The following ZNF512 variants were observed in gnomAD, a reference collection of about 807,000 sequenced individuals.
ZNF512 encodes zinc finger protein 512.
ZNF512 carries 25 observed loss-of-function variants against 77.5 expected under a neutral mutation model. The observed-to-expected ratio is 0.32, with a 90% CI of 0.23 to 0.45. The LOEUF (loss-of-function observed/expected upper bound fraction) is 0.45, where lower values mean the gene tolerates loss of function less well. Ranked by LOEUF, ZNF512 falls within the 20% of genes least tolerant of loss-of-function variation. The pLI is 1.00. For synonymous variants in ZNF512, 246 were observed against 239.9 expected (o/e 1.03, Z -0.24); for missense variants, 483 against 692.6 (o/e 0.70, Z 3.40).
chr2:27,597,904 G>C (rs1030425049), intron 2 of ZNF512, among the ~76,000 whole-genome samples, 163 bp from the exon 3 acceptor site: 7 of 152,158 alleles, frequency 4.6e-5, no homozygotes, highest in African/African-American at 1.4e-4. Context: ...TGTTGTGTTA[G>C]ATCAACTATT....
chr2:27,599,804 G>A, intron 4 of ZNF512, 126 bp downstream of exon 4: 2 of 1,147,134 alleles, frequency 1.7e-6, no homozygotes, highest in Non-Finnish European at 2.5e-6. Flanking sequence ...TTGTTTGGGA[G>A]GGAATGGCCT....
intron 2 of ZNF512, among the ~76,000 whole-genome samples, chr2:27,586,102 GGT>G (rs1353665799): frequency 2.5e-4 from 38 of 152,170 alleles, no homozygotes; most frequent in African/African-American, 8.4e-4. Flanking sequence ...AGGGTATATG[GGT>G]ACTGTATTTC....
At chr2:27,585,313 CATG>C (rs1214814150) in intron 2 of ZNF512, among the ~76,000 whole-genome samples, 1 of 152,174 alleles carries the variant, frequency 6.6e-6, no homozygotes, top group Admixed American at 6.5e-5. Flanking sequence ...TAATTGGAAA[CATG>C]ATGTTTTCTT....
rs115514151 is a variant in ZNF512, at chr2:27,622,664, C to T, written c.*1203C>T. On this transcript the variant is annotated 3_prime_UTR_variant, in exon 14 of 14. Transcript: ENST00000355467. ...ACATTGGTTAGAGCAGCTTTGTTGT[C>T]GTGTTTCTGGATTCTCTTCCCCATT... 5 of 152,668 alleles carry T rather than the reference C, an allele frequency of 3.3e-5. No homozygotes were observed. Among genetic ancestry groups the T allele is most frequent in the Non-Finnish European group, 2.9e-5 (2 of 68,036 alleles). 9.5% of individuals were successfully genotyped at this position (152,668 alleles called of 1,614,324 possible).
Position 27,600,786 on chromosome 2 carries a change from T to C in ZNF512, c.553T>C (p.Leu185=). 6.2e-7 allele frequency: 1 copy of C among 1,613,240 alleles called. No homozygotes were observed. The highest frequency in any genetic ancestry group is 8.5e-7 in the Non-Finnish European group (1 of 1,179,732). The stretch of plus-strand genomic sequence containing the variant: ...AGTGGGGAGGAAGACCATAGAGGGT[T>C]TAAAGAAACACATGGAAAACTGCAA... ...QAVGRKTIEG[L]KKHMENCKQE... Residue 185 remains leucine (L), a synonymous_variant, in exon 6 of 14, where the codon TTA becomes CTA. Transcript: ENST00000355467.
intron 10 of ZNF512, among the ~76,000 whole-genome samples, chr2:27,614,155 C>T (rs921427933): frequency 6.6e-6 from 1 of 151,854 alleles, no homozygotes; most frequent in African/African-American, 2.4e-5. Context: ...GTTTTTTTGT[C>T]GCAGAGAATC....
intron 10 of ZNF512, among the ~76,000 whole-genome samples, chr2:27,612,720 T>TA (rs1212589751): frequency 6.6e-5 from 10 of 152,318 alleles, no homozygotes; most frequent in African/African-American, 2.4e-4. Flanking sequence ...TATTCCCTTG[T>TA]AAAAAACAAA....
rs1458004358 is a variant in ZNF512 at position 27,583,117 on chromosome 2, C to T, written c.5C>T (p.Ser2Phe). 3.1e-6 allele frequency: 5 copies of T among 1,614,042 alleles called. No homozygotes were observed. Among genetic ancestry groups the T allele is most frequent in the South Asian group, 1.1e-5 (1 of 91,064 alleles). ...GTTAGGCGTGGAGAGGGAGTGATGT[C>T]TTCCAGACTCGGTGCTGTACCCGCC... M[S>F]SRLGAVPATS... is the part of the protein sequence containing the mutation. The change falls in exon 1 of 14, where the codon TCT (serine) becomes TTT (phenylalanine). Residue 2 changes from serine to phenylalanine, a missense_variant. Coordinates refer to ENST00000355467, the MANE Select transcript of ZNF512 (RefSeq NM_032434.4).
At chr2:27,584,078 A>C (rs749356099) in intron 2 of ZNF512, among the ~76,000 whole-genome samples, 2 of 152,182 alleles carry the variant, frequency 1.3e-5, no homozygotes, top group African/African-American at 4.8e-5. Flanking sequence ...TTGAATTTTA[A>C]ATTTTATTTA....
rs770516708 is a variant in ZNF512, at chr2:27,598,082, C to T, written c.105C>T (p.Cys35=). 45 of 1,578,572 alleles carry T rather than the reference C, an allele frequency of 2.9e-5. No homozygotes were observed. Among genetic ancestry groups the T allele is most frequent in the Admixed American group, 5.1e-5 (3 of 59,364 alleles). ...IVGAKNSRTQ[C]SIKDNSFQYT... ...GTTGTATTAGTAGCAGGACCCAGTG[C>T]TCCATAAAGGATAATAGTTTCCAGT... Residue 35 remains cysteine, a synonymous_variant, in exon 3 of 14, where the codon TGC becomes TGT. Coordinates refer to ENST00000355467, the MANE Select transcript of ZNF512 (RefSeq NM_032434.4).
chr2:27,599,753 G>A, intron 4 of ZNF512, 75 bp downstream of exon 4: 1 of 1,426,722 alleles, frequency 7.0e-7, no homozygotes, highest in Non-Finnish European at 9.7e-7. Flanking sequence ...GGAAAGAGAA[G>A]CCTTAGTTTG....
intron 10 of ZNF512, among the ~76,000 whole-genome samples, chr2:27,610,568 A>ATATATATAT (rs1553353375): frequency 1.1e-4 from 2 of 18,182 alleles, no homozygotes; most frequent in African/African-American, 1.5e-4. Context: ...ATATATATAT[A>ATATATATAT]TTTTTTTTTT....
Position 27,613,001 on chromosome 2 carries a change from C to T in ZNF512, c.1132-2167C>T, listed in dbSNP as rs531599839. Among the ~76,000 whole-genome samples the T allele has an allele frequency of 5.3e-5, 8 of 152,264 alleles. No homozygotes were observed. The South Asian group carries it at 1.7e-3, about 32-fold the overall frequency. On this transcript the variant is annotated intron_variant, in intron 10 of 13. Coordinates refer to ENST00000355467, the MANE Select transcript of ZNF512 (RefSeq NM_032434.4). ...AGAGATATGTTCTGAGTCACTACTC[C>T]TCATCCCAACTATTCCATTCCCATT... is the stretch of plus-strand genomic sequence containing the variant.
chr2:27,583,165 T>G, intron 1 of ZNF512, 23 bp downstream of exon 1: 4 of 1,614,186 alleles, frequency 2.5e-6, no homozygotes, highest in Middle Eastern at 1.6e-4. Context: ...GTTTGACCGT[T>G]ATGCTTTAGA....
intron 2 of ZNF512, among the ~76,000 whole-genome samples, chr2:27,591,088 G>C (rs1395230695): frequency 1.3e-5 from 2 of 152,116 alleles, no homozygotes; most frequent in Non-Finnish European, 2.9e-5. Context: ...CAAGGCTGAA[G>C]CGCAGTGGTG....
In ZNF512 at chr2:27,603,137, C is replaced by A; in HGVS notation, c.769-3C>A. On this transcript the variant is annotated splice_region_variant and splice_polypyrimidine_tract_variant and intron_variant, in intron 8 of 13. Transcript: ENST00000355467. ...ATAGTTTAGGCTTCTCTCCTCTGTT[C>A]AGAGTTGCTCCAGTAGCTTCACCAG... 1 of 1,613,996 alleles carries A rather than the reference C, an allele frequency of 6.2e-7. No individual in the cohort carries two copies. Among genetic ancestry groups the A allele is most frequent in the South Asian group, 1.1e-5 (1 of 91,052 alleles).
At chr2:27,599,286 C>T (rs1429468638) in intron 3 of ZNF512, among the ~76,000 whole-genome samples, 2 of 152,166 alleles carry the variant, frequency 1.3e-5, no homozygotes, top group Admixed American at 6.5e-5. Context: ...CAATTCTTAT[C>T]CTCTTGTTAG....
At chr2:27,593,937 C>T (rs1362489063) in intron 2 of ZNF512, among the ~76,000 whole-genome samples, 1 of 152,196 alleles carries the variant, frequency 6.6e-6, no homozygotes, top group Non-Finnish European at 1.5e-5. Context: ...CTTCTTTCTA[C>T]ACAGACACAG....
rs371994499 is a variant in ZNF512, at chr2:27,588,006, AT to A, written c.89+4293del. Among the ~76,000 whole-genome samples the A allele has an allele frequency of 3.9e-3, 595 of 151,942 alleles. 5 individuals carry two copies. Among genetic ancestry groups the A allele is most frequent in the African/African-American group, 0.014 (570 of 41,490 alleles). On this transcript the variant is annotated intron_variant, in intron 2 of 13. Coordinates refer to ENST00000355467, the MANE Select transcript of ZNF512 (RefSeq NM_032434.4). Reference sequence around the variant, plus strand: ...TCATCTGTTCCTATTCTTATTGGCCATTTGTGTGTCTACTTTTGTAAAATGT... The same window carrying A: ...TCATCTGTTCCTATTCTTATTGGCCATTGTGTGTCTACTTTTGTAAAATGT...
Sources: allele counts gnomAD v4.1 joint callset (sites outside exome capture counted in the v4.1 genomes callset), GRCh38; gene constraint gnomAD v4.1.1; transcripts MANE v1.5; gene names NCBI Gene and HGNC (gene_info 2026-07-23, HGNC 2026-07-21).